The following MRC2 variants were observed in gnomAD, a reference collection of about 807,000 sequenced individuals.
The protein encoded by MRC2 is C-type mannose receptor 2.
MRC2 carries 84 observed loss-of-function variants against 206.2 expected under a neutral mutation model. The ratio of observed to expected loss-of-function variants is 0.41; its 90% CI spans 0.34 to 0.49. The LOEUF (loss-of-function observed/expected upper bound fraction) is 0.49. Among genes scored for constraint, MRC2 ranks in the 20% least tolerant of loss-of-function variants. The probability of loss-of-function intolerance (pLI) is 0.31; values close to 1 mark genes in which losing one functional copy is unlikely to be tolerated. For synonymous variants in MRC2, 798 were observed against 800.0 expected (o/e 1.00, Z 0.04); for missense variants, 1,676 against 2,001.5 (o/e 0.84, Z 3.10).
chr17:62,675,452 G>A lies in MRC2; in HGVS notation c.1570-338G>A, dbSNP rs571440400. On this transcript the variant is annotated intron_variant, in intron 9 of 29. Transcript: ENST00000303375. The surrounding 1 kb of genome is among the most constrained non-coding windows in gnomAD (Gnocchi z 4.1). Reference sequence around the variant, plus strand: ...TTTAGCTGTGGTTTCCCAGCCAACAGTAATTTCCCCACTGTGTCTCTTGGT... The same window carrying A: ...TTTAGCTGTGGTTTCCCAGCCAACAATAATTTCCCCACTGTGTCTCTTGGT... Among the ~76,000 whole-genome samples the A allele has an allele frequency of 1.1e-4, 16 of 152,300 alleles. No individual in the cohort carries two copies. In the Middle Eastern group the frequency reaches 0.014, roughly 130 times the overall value.
At chr17:62,645,143 A>G (rs2147441637) in intron 1 of MRC2, among the ~76,000 whole-genome samples, 1 of 152,260 alleles carries the variant, frequency 6.6e-6, no homozygotes, top group East Asian at 1.9e-4. Flanking sequence ...TAAAAACTAT[A>G]ATGTTTCCAT....
At chr17:62,677,923 G>A (rs886267574) in intron 12 of MRC2, among the ~76,000 whole-genome samples, 2 of 152,260 alleles carry the variant, frequency 1.3e-5, no homozygotes, top group East Asian at 3.9e-4. Flanking sequence ...GGTGGCAGGC[G>A]CCTGTTGTCC....
Position 62,627,697 on chromosome 17 carries a change from C to A in MRC2, c.-106C>A. 1 of 795,374 alleles carries A rather than the reference C, an allele frequency of 1.3e-6. No individual in the cohort carries two copies. The highest frequency in any genetic ancestry group is 1.8e-5 in the African/African-American group (1 of 55,252). The allele number at this position is 795,374 out of a possible 1,614,324, so 49.3% of individuals were successfully genotyped here. ...CACTTCGTCCCGACCCGGAGGAGGA[C>A]GCGAGCCCCTTGCGGGCGGTCATCA... On this transcript the variant is annotated 5_prime_UTR_variant, in exon 1 of 30. Transcript: ENST00000303375.
At chr17:62,630,084 C>G (rs964166688) in intron 1 of MRC2, among the ~76,000 whole-genome samples, 3 of 152,296 alleles carry the variant, frequency 2.0e-5, no homozygotes, top group East Asian at 1.9e-4. Flanking sequence ...CTGGAGCATG[C>G]AGTTTGCTCA....
Position 62,689,592 on chromosome 17 carries a change from C to T in MRC2, c.3405C>T (p.Gly1135=). 6.2e-7 allele frequency: 1 copy of T among 1,603,654 alleles called. No individual in the cohort carries two copies. The highest frequency in any genetic ancestry group is 1.1e-5 in the South Asian group (1 of 89,200). ...APGTELSYLN[G]TFRLLQKPLR... ...GCACTGAGCTCTCCTACCTCAACGG[C>T]ACCTTCCGGCTGCTTCAGAAGCCGC... Residue 1135 remains glycine, a synonymous_variant, in exon 24 of 30, where the codon GGC becomes GGT. Coordinates refer to ENST00000303375, the MANE Select transcript of MRC2 (RefSeq NM_006039.5).
chr17:62,680,303 C>A lies in MRC2; in HGVS notation c.2432C>A (p.Pro811His), dbSNP rs746466803. The change falls in exon 15 of 30, where the codon CCC becomes CAC. Residue 811 changes from proline to histidine, a missense_variant. By Grantham distance (77) the Pro-to-His change is moderately conservative. Around this residue, in one of 3 missense-constraint regions of MRC2, gnomAD observed 1,354 missense variants for 1,636.6 expected, o/e 0.83. Transcript: ENST00000303375. This position sits in a 1 kb window ranked among gnomAD's most constrained non-coding sequence, Gnocchi z 4.8. ...CAGCTGGACTGGATCTGCAAGATCC[C>A]CAGAGGTTGGCCGGAGTGGCGCTGG... ...DTQLDWICKI[P>H]RGTDVREPDD... 6.2e-7 allele frequency: 1 copy of A among 1,613,874 alleles called. No homozygotes were observed. The highest frequency in any genetic ancestry group is 8.5e-7 in the Non-Finnish European group (1 of 1,179,924).
At chr17:62,655,411 G>C (rs567019004) in intron 1 of MRC2, among the ~76,000 whole-genome samples, 35 of 151,880 alleles carry the variant, frequency 2.3e-4, no homozygotes, top group Middle Eastern at 3.4e-3. Context: ...GCATGGTGGC[G>C]GGCGCCTGTA....
intron 27 of MRC2, 76 bp downstream of exon 27, chr17:62,690,837 T>G (rs1349075293): frequency 6.6e-7 from 1 of 1,507,620 alleles, no homozygotes; most frequent in African/African-American, 1.4e-5. Flanking sequence ...GCCCTGAGCC[T>G]TGTCCTGGGG....
chr17:62,677,138 G>C (rs1047796904), intron 11 of MRC2, 131 bp from the exon 12 acceptor site: 1 of 712,370 alleles, frequency 1.4e-6, no homozygotes, highest in African/African-American at 1.8e-5. Flanking sequence ...CAACCCCAGA[G>C]AGCATGTCTC....
At chr17:62,683,020 CTATG>C (rs1406243652) in intron 20 of MRC2, among the ~76,000 whole-genome samples, 2 of 152,044 alleles carry the variant, frequency 1.3e-5, no homozygotes, top group African/African-American at 2.4e-5. Flanking sequence ...CATGACCAAA[CTATG>C]TGTGTGTACA....
rs1489910207 is a variant in MRC2, at chr17:62,667,973, A to G, written c.1117+440A>G. Among the ~76,000 whole-genome samples the G allele has an allele frequency of 6.6e-6, 1 of 152,218 alleles. No individual in the cohort carries two copies. The highest frequency in any genetic ancestry group is 1.5e-5 in the Non-Finnish European group (1 of 68,038). ...CAAATTGAGTCTAAGTTTAAAAGAT[A>G]TAAAGAGGTGTGGGGGAAGGGCATT... On this transcript the variant is annotated intron_variant, in intron 6 of 29. Transcript: ENST00000303375. The surrounding 1 kb of genome is among the most constrained non-coding windows in gnomAD (Gnocchi z 4.1).
chr17:62,664,184 C>T lies in MRC2; in HGVS notation c.119-364C>T, dbSNP rs887506191. 6.6e-6 allele frequency among the ~76,000 whole-genome samples: 1 copy of T among 151,816 alleles called. No homozygotes were observed. Among genetic ancestry groups the T allele is most frequent in the African/African-American group, 2.4e-5 (1 of 41,216 alleles). ...CCGTTTTAGCCGGGATGGTCTCGATCTCCTGACCTCGTGATCCGCCCGCCT... is the reference window on the plus strand; with the variant it reads ...CCGTTTTAGCCGGGATGGTCTCGATTTCCTGACCTCGTGATCCGCCCGCCT... On this transcript the variant is annotated intron_variant, in intron 1 of 29. Coordinates refer to ENST00000303375, the MANE Select transcript of MRC2 (RefSeq NM_006039.5). This position sits in a 1 kb window ranked among gnomAD's most constrained non-coding sequence, Gnocchi z 4.7.
At chr17:62,630,195 T>C (rs568835674) in intron 1 of MRC2, among the ~76,000 whole-genome samples, 1 of 152,252 alleles carries the variant, frequency 6.6e-6, no homozygotes, top group Admixed American at 6.5e-5. Context: ...CGTGGAACAG[T>C]GAACTGCGTA....
intron 23 of MRC2, among the ~76,000 whole-genome samples, 162 bp downstream of exon 23, chr17:62,689,122 A>G (rs2465429): frequency 0.87 from 131,639 of 152,072 alleles, 59,294 homozygotes; most frequent in Non-Finnish European, 0.98. Flanking sequence ...TGGAAAAGCA[A>G]TAGCACCCAC....
chr17:62,644,571 T>C (rs1370094321), intron 1 of MRC2, among the ~76,000 whole-genome samples: 2 of 152,120 alleles, frequency 1.3e-5, no homozygotes, highest in African/African-American at 4.8e-5. Flanking sequence ...CATGTTCGTA[T>C]CTTGGGCCAT....
chr17:62,634,124 G>T (rs1035104895), intron 1 of MRC2, among the ~76,000 whole-genome samples: 6 of 152,134 alleles, frequency 3.9e-5, no homozygotes, highest in African/African-American at 1.4e-4. Context: ...TGAGTTTTCT[G>T]GGAAAGGGGT....
chr17:62,635,363 C>G (rs1232385914), intron 1 of MRC2, among the ~76,000 whole-genome samples: 3 of 152,048 alleles, frequency 2.0e-5, no homozygotes, highest in Admixed American at 6.6e-5. Flanking sequence ...TAAAGCCCCT[C>G]AATTTATCAC....
chr17:62,656,080 C>T (rs1209980824), intron 1 of MRC2, among the ~76,000 whole-genome samples: 1 of 152,072 alleles, frequency 6.6e-6, no homozygotes, highest in Non-Finnish European at 1.5e-5. Context: ...TGGAACATCA[C>T]TCTGTTGCCA....
At position 62,680,038 on chromosome 17, in the gene MRC2, T is replaced by TC. The variant is rs2088942374; in HGVS notation, c.2299-130dup. The stretch of plus-strand genomic sequence containing the variant: ...TCGGAGCCGGCTTCAGGAAAGCAGG[T>TC]CCGAGAGGGGTCACCCGGCCCCCGG... On this transcript the variant is annotated intron_variant, in intron 14 of 29. Transcript: ENST00000303375. This position sits in a 1 kb window ranked among gnomAD's most constrained non-coding sequence, Gnocchi z 4.8. 2 of 1,516,120 alleles carry TC rather than the reference T, an allele frequency of 1.3e-6. No individual in the cohort carries two copies. The highest frequency in any genetic ancestry group is 1.8e-6 in the Non-Finnish European group (2 of 1,115,222). 93.9% of individuals were successfully genotyped at this position (1,516,120 alleles called of 1,614,324 possible).
Sources: gnomAD v4.1 joint callset for allele counts (sites outside exome capture counted in the v4.1 genomes callset) on GRCh38, gnomAD v4.1.1 for gene constraint, gnomAD v4.1.1 regional missense constraint, Gnocchi (gnomAD v3.1) non-coding constraint, MANE v1.5 for transcripts, NCBI Gene and HGNC (gene_info 2026-07-23, HGNC 2026-07-21) for gene names.